The following DOCK1 variants were observed in gnomAD, a reference collection of about 807,000 sequenced individuals.
DOCK1 encodes the protein dedicator of cytokinesis protein 1.
DOCK1 carries 138 observed loss-of-function variants against 262.7 expected under a neutral mutation model. The ratio of observed to expected loss-of-function variants is 0.53; its 90% CI spans 0.46 to 0.61. The LOEUF (loss-of-function observed/expected upper bound fraction) is 0.61. Among genes scored for constraint, DOCK1 ranks in the 20% least tolerant of loss-of-function variants. DOCK1 has a pLI of 0.00. For synonymous variants in DOCK1, 866 were observed against 867.4 expected (o/e 1.00, Z 0.03); for missense variants, 1,908 against 2,370.7 (o/e 0.80, Z 4.05).
At chr10:127,192,791 G>A (rs2056846506) in intron 27 of DOCK1, 3 of 152,214 alleles carry the variant, frequency 2.0e-5, no homozygotes, top group South Asian at 2.1e-4. Context: ...TCATGGCTTA[G>A]TGCTTAACAC....
At chr10:127,293,627 T>C (rs2061415271) in intron 29 of DOCK1, among the ~76,000 whole-genome samples, 1 of 152,114 alleles carries the variant, frequency 6.6e-6, no homozygotes, top group Admixed American at 6.5e-5. Context: ...TTCCACCTGC[T>C]GTGAAAGGGC....
At chr10:127,088,333 AT>A (rs1286953401) in intron 23 of DOCK1, among the ~76,000 whole-genome samples, 2 of 151,940 alleles carry the variant, frequency 1.3e-5, no homozygotes, top group Non-Finnish European at 2.9e-5. Context: ...ACAAAACACC[AT>A]TTTTTTCTTG....
chr10:127,123,040 C>G (rs1344617608), intron 25 of DOCK1, among the ~76,000 whole-genome samples: 2 of 152,180 alleles, frequency 1.3e-5, no homozygotes, highest in African/African-American at 4.8e-5. Flanking sequence ...GTTTCTGAGC[C>G]CAGTGCTATG....
chr10:127,063,715 C>A (rs183401416), intron 23 of DOCK1, among the ~76,000 whole-genome samples: 1 of 152,268 alleles, frequency 6.6e-6, no homozygotes, highest in East Asian at 1.9e-4. Flanking sequence ...TTGAGCCCAG[C>A]AGTAATTTTA....
intron 29 of DOCK1, among the ~76,000 whole-genome samples, chr10:127,287,759 T>C (rs923573820): frequency 9.3e-5 from 7 of 75,130 alleles, no homozygotes; most frequent in African/African-American, 6.7e-4. Flanking sequence ...ATCATGTTTT[T>C]CTGTCTCTTA....
At chr10:127,321,358 C>G (rs1276615346) in intron 29 of DOCK1, among the ~76,000 whole-genome samples, 1 of 98,376 alleles carries the variant, frequency 1.0e-5, no homozygotes, top group Non-Finnish European at 1.9e-5. Context: ...CGCTCTCTCT[C>G]TAGCTCATTT....
At chr10:127,122,742 G>A (rs961881106) in intron 25 of DOCK1, among the ~76,000 whole-genome samples, 1 of 151,946 alleles carries the variant, frequency 6.6e-6, no homozygotes, top group Non-Finnish European at 1.5e-5. Context: ...AGGAGAGGCT[G>A]GATAGCAAAC....
intron 10 of DOCK1, chr10:127,001,602 T>C (rs2040600392): frequency 6.6e-6 from 1 of 152,240 alleles, no homozygotes; most frequent in South Asian, 2.1e-4. Flanking sequence ...AAGTCCTCTG[T>C]GCTCCGCCTG....
At chr10:127,037,853 T>C in intron 19 of DOCK1, 37 bp downstream of exon 19, 1 of 1,371,370 alleles carries the variant, frequency 7.3e-7, no homozygotes, top group Non-Finnish European at 9.8e-7. Flanking sequence ...TGGGTCTTTT[T>C]TTTTTTTTTT....
chr10:127,241,918 T>C (rs1470618003), intron 27 of DOCK1, among the ~76,000 whole-genome samples: 1 of 152,026 alleles, frequency 6.6e-6, no homozygotes, highest in Non-Finnish European at 1.5e-5. Context: ...GGATATAGGG[T>C]CACATTTCAA....
At chr10:127,225,517 A>G (rs911808893) in intron 27 of DOCK1, among the ~76,000 whole-genome samples, 1 of 152,212 alleles carries the variant, frequency 6.6e-6, no homozygotes, top group African/African-American at 2.4e-5. Flanking sequence ...TGAACATCTC[A>G]TATTGCTCCT....
At chr10:127,308,021 C>A (rs922168903) in intron 29 of DOCK1, among the ~76,000 whole-genome samples, 18 of 152,242 alleles carry the variant, frequency 1.2e-4, no homozygotes, top group African/African-American at 4.1e-4. Flanking sequence ...TGGGGAGGGG[C>A]TGGAGCTGTC....
At chr10:127,342,318 T>C (rs2063469495) in intron 30 of DOCK1, among the ~76,000 whole-genome samples, 1 of 152,112 alleles carries the variant, frequency 6.6e-6, no homozygotes, top group Admixed American at 6.5e-5. Flanking sequence ...TTTTATTGAC[T>C]GGCACTCCCC....
At chr10:127,016,745 ACACT>A (rs1356891893) in intron 12 of DOCK1, among the ~76,000 whole-genome samples, 1 of 140,838 alleles carries the variant, frequency 7.1e-6, no homozygotes, top group Non-Finnish European at 1.6e-5. Context: ...ACACACACAC[ACACT>A]AACACAGATA....
intron 1 of DOCK1, among the ~76,000 whole-genome samples, chr10:126,935,664 A>C (rs940969783): frequency 1.1e-3 from 172 of 152,144 alleles, no homozygotes; most frequent in Non-Finnish European, 2.1e-3. Flanking sequence ...ACTTCTCTCT[A>C]TCCCTTGGAT....
intron 13 of DOCK1, among the ~76,000 whole-genome samples, chr10:127,020,630 A>T (rs1467183092): frequency 6.6e-6 from 1 of 151,938 alleles, no homozygotes; most frequent in East Asian, 1.9e-4. Context: ...TAGGGAAATG[A>T]TACAGTTGAC....
chr10:127,338,947 A>G (rs2063310180), intron 29 of DOCK1, 59 bp from the exon 30 acceptor site: 8 of 1,428,894 alleles, frequency 5.6e-6, no homozygotes, highest in Non-Finnish European at 5.8e-6. Context: ...GAAATGCCAA[A>G]CCTACCGAAG....
At chr10:127,434,999 G>C (rs532605948) in intron 48 of DOCK1, among the ~76,000 whole-genome samples, 1 of 152,208 alleles carries the variant, frequency 6.6e-6, no homozygotes, top group South Asian at 2.1e-4. Context: ...AAATACTCAT[G>C]GGCCACCTTC....
At chr10:127,338,135 A>G (rs550797666) in intron 29 of DOCK1, among the ~76,000 whole-genome samples, 3 of 152,346 alleles carry the variant, frequency 2.0e-5, no homozygotes, top group African/African-American at 7.2e-5. Context: ...AAATAGAGAA[A>G]GTGGAATTAG....
Sources: allele counts gnomAD v4.1 joint callset (sites outside exome capture counted in the v4.1 genomes callset), GRCh38; gene constraint gnomAD v4.1.1; transcripts MANE v1.5; gene names NCBI Gene and HGNC (gene_info 2026-07-23, HGNC 2026-07-21).